SLC30A8: variants seen among roughly 807,000 people sequenced by gnomAD.
The protein encoded by SLC30A8 is proton-coupled zinc antiporter SLC30A8.
Under a neutral mutation model 36.9 loss-of-function variants are expected in SLC30A8, and 27 were observed. The observed-to-expected ratio is 0.73, with a 90% CI of 0.54 to 1.01. The LOEUF is 1.01. SLC30A8 is among the 50% of genes least tolerant of loss of function. SLC30A8 has a pLI of 0.00. For synonymous variants in SLC30A8, 164 were observed against 172.4 expected, an observed-to-expected ratio of 0.95 and a Z score of 0.38; for missense variants, 439 against 452.0, an observed-to-expected ratio of 0.97 and a Z score of 0.26.
intron 1 of SLC30A8, among the ~76,000 whole-genome samples, chr8:116,989,128 A>G (rs1815545666): frequency 6.6e-6 from 1 of 152,202 alleles, no homozygotes; most frequent in African/African-American, 2.4e-5. Flanking sequence ...AGCATGAAGG[A>G]GGAGGTGAAT....
intron 5 of SLC30A8, 81 bp downstream of exon 5, chr8:117,161,969 G>C: frequency 7.9e-7 from 1 of 1,271,034 alleles, no homozygotes; most frequent in Non-Finnish European, 1.1e-6. Flanking sequence ...TTAACTTAAA[G>C]AGAATGGGCA....
chr8:117,124,914 C>T (rs1464854634), intron 2 of SLC30A8, among the ~76,000 whole-genome samples: 1 of 151,552 alleles, frequency 6.6e-6, no homozygotes, highest in Non-Finnish European at 1.5e-5. Flanking sequence ...TACATGTACC[C>T]CTTGTATCTA....
chr8:117,036,118 CA>C (rs1415636681), intron 1 of SLC30A8, among the ~76,000 whole-genome samples: 3 of 151,130 alleles, frequency 2.0e-5, no homozygotes, highest in Non-Finnish European at 4.4e-5. Context: ...TTCCCCCCCC[CA>C]GAAAATGGGG....
chr8:117,113,093 GT>G (rs2130883208), intron 2 of SLC30A8, among the ~76,000 whole-genome samples: 1 of 152,282 alleles, frequency 6.6e-6, no homozygotes, highest in African/African-American at 2.4e-5. Flanking sequence ...TCAAATTGTG[GT>G]GAGGGGACCA....
intron 2 of SLC30A8, among the ~76,000 whole-genome samples, chr8:117,085,478 T>G (rs1818841329): frequency 6.6e-6 from 1 of 152,184 alleles, no homozygotes; most frequent in African/African-American, 2.4e-5. Context: ...GAGAATATAT[T>G]ATTAGAATTA....
chr8:117,062,407 G>A (rs892287519), intron 2 of SLC30A8, among the ~76,000 whole-genome samples: 1 of 152,222 alleles, frequency 6.6e-6, no homozygotes, highest in Non-Finnish European at 1.5e-5. Context: ...GGAAGGTGAA[G>A]CAGCAGCAGG....
At position 117,135,485 on chromosome 8, in the gene SLC30A8, T is replaced by G. The variant is rs139213567; in HGVS notation, c.71+87T>G. On this transcript the variant is annotated intron_variant, in intron 1 of 7. Transcript: ENST00000456015. Reference sequence around the variant, plus strand: ...CTTGTTGCTTCTGAATTGTAGGCCTTTACTCTGCAACTTGGGGGCACTCTG... The same window carrying G: ...CTTGTTGCTTCTGAATTGTAGGCCTGTACTCTGCAACTTGGGGGCACTCTG... The G allele has an allele frequency of 7.8e-4, 765 of 976,020 alleles. 8 individuals are homozygous for G. In the African/African-American group the frequency reaches 0.011, roughly 14 times the overall value. The allele number at this position is 976,020 out of a possible 1,614,324, so 60.5% of individuals were successfully genotyped here. A position where few individuals can be genotyped will look rare whatever the true frequency, so the allele number is the denominator to read the frequency against.
chr8:117,130,198 T>C (rs951656332), upstream of SLC30A8: 1 of 152,026 alleles, frequency 6.6e-6, no homozygotes, highest in Non-Finnish European at 1.5e-5. Flanking sequence ...AGACAGCTGC[T>C]GTCCCTTGAT....
At chr8:117,166,213 A>G (rs949505334) in intron 6 of SLC30A8, among the ~76,000 whole-genome samples, 2 of 152,208 alleles carry the variant, frequency 1.3e-5, no homozygotes, top group African/African-American at 2.4e-5. Context: ...AATTATCTGT[A>G]TGGCAACAGC....
chr8:117,011,952 GGTAA>G (rs1480464452), intron 1 of SLC30A8, among the ~76,000 whole-genome samples: 1 of 152,070 alleles, frequency 6.6e-6, no homozygotes, highest in Non-Finnish European at 1.5e-5. Context: ...TTTCACAGTG[GGTAA>G]GTTTTACTCT....
intron 2 of SLC30A8, chr8:117,147,425 T>A: frequency 2.6e-6 from 1 of 380,356 alleles, no homozygotes; most frequent in South Asian, 3.1e-5. Context: ...TTTTTAAACA[T>A]AACTGAGAGC....
At chr8:117,080,013 C>T (rs1818618468) in intron 2 of SLC30A8, among the ~76,000 whole-genome samples, 1 of 152,186 alleles carries the variant, frequency 6.6e-6, no homozygotes, top group Non-Finnish European at 1.5e-5. Context: ...TGCATCCTTA[C>T]ATCACTATCT....
intron 1 of SLC30A8, among the ~76,000 whole-genome samples, chr8:116,973,707 C>G (rs991596228): frequency 1.1e-4 from 16 of 152,048 alleles, no homozygotes; most frequent in Admixed American, 3.9e-4. Context: ...TCATATGGAA[C>G]CAAAAAAGAG....
intron 1 of SLC30A8, among the ~76,000 whole-genome samples, chr8:117,023,908 G>A (rs1816791545): frequency 6.6e-6 from 1 of 151,492 alleles, no homozygotes; most frequent in Non-Finnish European, 1.5e-5. Context: ...AAAGTCTTAA[G>A]GTGCTTCCAT....
At chr8:117,046,171 A>T (rs1817543705) in intron 2 of SLC30A8, among the ~76,000 whole-genome samples, 1 of 152,118 alleles carries the variant, frequency 6.6e-6, no homozygotes, top group Non-Finnish European at 1.5e-5. Flanking sequence ...AGAGAAATAC[A>T]AGAAGATGTA....
At chr8:117,067,019 A>G (rs1314383637) in intron 2 of SLC30A8, among the ~76,000 whole-genome samples, 2 of 152,144 alleles carry the variant, frequency 1.3e-5, no homozygotes, top group African/African-American at 2.4e-5. Flanking sequence ...GTCTCAAGAA[A>G]CTTACAATCA....
rs778457541 is a variant in SLC30A8 at position 117,161,927 on chromosome 8, GA to G, written c.723+40del. ...TACCCACCATCCTAGTACTTATGTA[GA>G]TTAGGTAGTACAGAAGCTGACCCTC... On this transcript the variant is annotated intron_variant, in intron 5 of 7. Coordinates refer to ENST00000456015, the MANE Select transcript of SLC30A8 (RefSeq NM_173851.3). The G allele has an allele frequency of 2.5e-6, 4 of 1,571,112 alleles. No homozygotes were observed. In the African/African-American group the frequency reaches 5.4e-5, roughly 21 times the overall value.
chr8:117,062,731 A>G (rs1455782276), intron 2 of SLC30A8, among the ~76,000 whole-genome samples: 2 of 152,206 alleles, frequency 1.3e-5, no homozygotes, highest in African/African-American at 4.8e-5. Flanking sequence ...GTGAAGCAGC[A>G]TGCCTGTGAC....
At chr8:117,091,859 C>T (rs567678800) in intron 2 of SLC30A8, among the ~76,000 whole-genome samples, 1 of 152,186 alleles carries the variant, frequency 6.6e-6, no homozygotes, top group South Asian at 2.1e-4. Flanking sequence ...CAGGGCTGAT[C>T]CAATTGCTAA....
Sources: allele counts gnomAD v4.1 joint callset (sites outside exome capture counted in the v4.1 genomes callset), GRCh38; gene constraint gnomAD v4.1.1; transcripts MANE v1.5; gene names NCBI Gene and HGNC (gene_info 2026-07-23, HGNC 2026-07-21).